The following ITSN1 variants were observed in gnomAD, a reference collection of about 807,000 sequenced individuals.
ITSN1 encodes the protein intersectin-1.
ITSN1 carries 58 observed loss-of-function variants against 239.8 expected under a neutral mutation model. The ratio of observed to expected loss-of-function variants is 0.24; its 90% CI spans 0.20 to 0.30. The LOEUF (loss-of-function observed/expected upper bound fraction) is 0.30, where lower values mean the gene tolerates loss of function less well. Among genes scored for constraint, ITSN1 ranks in the 10% least tolerant of loss-of-function variants. The pLI is 1.00. For missense variants in ITSN1, 1,558 were observed against 2,103.3 expected (o/e 0.74, Z 5.07); for synonymous variants, 780 against 770.8 (o/e 1.01, Z -0.20).
In ITSN1 at chr21:33,690,815, GTA is replaced by G. The variant is rs1188283621; in HGVS notation, c.-32-27960_-32-27959del. On this transcript the variant is annotated intron_variant, in intron 1 of 39. Transcript: ENST00000381318. The stretch of plus-strand genomic sequence containing the variant: ...CATATATATATATATATATATATAT[GTA>G]TATATATATATATATATATATGTAA... Among the ~76,000 whole-genome samples the G allele has an allele frequency of 5.5e-3, 61 of 11,074 alleles. 7 individuals carry two copies. The highest frequency in any genetic ancestry group is 0.015 in the African/African-American group (42 of 2,728). 7.3% of individuals were successfully genotyped at this position (11,074 alleles called of 152,430 possible). A position where few individuals can be genotyped will look rare whatever the true frequency, so the allele number is the denominator to read the frequency against.
At chr21:33,862,164 C>A (rs1475093042) in intron 31 of ITSN1, among the ~76,000 whole-genome samples, 77 of 79,780 alleles carry the variant, frequency 9.7e-4, no homozygotes, top group African/African-American at 1.2e-3. Context: ...GACTGTGTCA[C>A]AAAAAAAAAA....
chr21:33,746,221 A>C lies in ITSN1; in HGVS notation c.347-3922A>C, dbSNP rs536022629. On this transcript the variant is annotated intron_variant, in intron 5 of 39. Coordinates refer to ENST00000381318, the MANE Select transcript of ITSN1 (RefSeq NM_003024.3). ...GTTACTAAATAAAGATAGAAACAAC[A>C]ACCTTCAGGGGGAAAATCAGAGCCA... Among the ~76,000 whole-genome samples, 4 of 152,316 alleles carry C rather than the reference A, an allele frequency of 2.6e-5. No homozygotes were observed. In the East Asian group the frequency reaches 7.7e-4, roughly 29 times the overall value.
chr21:33,648,879 AAG>A (rs2088233120), intron 1 of ITSN1, among the ~76,000 whole-genome samples: 2 of 151,966 alleles, frequency 1.3e-5, no homozygotes, highest in South Asian at 4.2e-4. Context: ...AAAGGAGAGA[AAG>A]AGAAAGAGAA....
chr21:33,836,709 C>A, intron 29 of ITSN1, 77 bp downstream of exon 29: 1 of 1,234,512 alleles, frequency 8.1e-7, no homozygotes, highest in Non-Finnish European at 1.2e-6. Flanking sequence ...TCTGATTCTG[C>A]TGAGCTTTGT....
In ITSN1 at chr21:33,680,195, T is replaced by A. The variant is rs7279431; in HGVS notation, c.-33+37482T>A. On this transcript the variant is annotated intron_variant, in intron 1 of 39. Transcript: ENST00000381318. Reference sequence around the variant, plus strand: ...ATTTCAAGGGGAAGCAGTGGGGGTTTTATTCCTCTGGATGTTTGTTGTCTT... The same window carrying A: ...ATTTCAAGGGGAAGCAGTGGGGGTTATATTCCTCTGGATGTTTGTTGTCTT... Among the ~76,000 whole-genome samples the A allele has an allele frequency of 7.1e-3, 1,078 of 152,310 alleles. 8 individuals carry two copies. The highest frequency in any genetic ancestry group is 0.025 in the African/African-American group (1,018 of 41,544).
At chr21:33,694,369 A>G (rs1486795696) in intron 1 of ITSN1, among the ~76,000 whole-genome samples, 1 of 152,206 alleles carries the variant, frequency 6.6e-6, no homozygotes, top group African/African-American at 2.4e-5. Flanking sequence ...ATGCTATTGA[A>G]CAGTTAAGAT....
intron 1 of ITSN1, among the ~76,000 whole-genome samples, chr21:33,644,644 C>A (rs1254184242): frequency 6.6e-6 from 1 of 150,440 alleles, no homozygotes; most frequent in East Asian, 1.9e-4. Context: ...AAATGTTTGT[C>A]GCTGTTAGCA....
intron 1 of ITSN1, among the ~76,000 whole-genome samples, chr21:33,665,546 G>A (rs1488791765): frequency 6.6e-6 from 1 of 152,284 alleles, no homozygotes; most frequent in Non-Finnish European, 1.5e-5. Flanking sequence ...TGTGAATGTA[G>A]CATGGTGCCA....
chr21:33,734,941 G>A, intron 4 of ITSN1, 103 bp from the exon 5 acceptor site: 2 of 928,936 alleles, frequency 2.2e-6, no homozygotes, highest in Non-Finnish European at 3.2e-6. Flanking sequence ...GTCTCTAGGG[G>A]TAAGAGTGCT....
intron 5 of ITSN1, among the ~76,000 whole-genome samples, chr21:33,743,116 CAG>C (rs1196870765): frequency 3.3e-5 from 5 of 152,050 alleles, no homozygotes; most frequent in African/African-American, 9.7e-5. Context: ...AGAAGCAACA[CAG>C]GGGATACTAA....
intron 21 of ITSN1, among the ~76,000 whole-genome samples, chr21:33,812,036 A>G (rs374130524): frequency 1.1e-4 from 17 of 152,326 alleles, no homozygotes; most frequent in African/African-American, 4.1e-4. Context: ...ATAATTACTC[A>G]GGGCGGGAGG....
chr21:33,855,414 G>A (rs1308171736), intron 29 of ITSN1, among the ~76,000 whole-genome samples: 2 of 152,242 alleles, frequency 1.3e-5, no homozygotes, highest in African/African-American at 4.8e-5. Flanking sequence ...GAGGGGAACA[G>A]AAGGGATGGG....
intron 5 of ITSN1, among the ~76,000 whole-genome samples, chr21:33,748,466 A>G (rs1050296179): frequency 6.6e-6 from 1 of 152,082 alleles, no homozygotes; most frequent in Non-Finnish European, 1.5e-5. Context: ...AAGAAAAAAA[A>G]GAAAATTTTA....
chr21:33,685,212 A>G (rs1460543096), intron 1 of ITSN1, among the ~76,000 whole-genome samples: 5 of 152,214 alleles, frequency 3.3e-5, no homozygotes, highest in African/African-American at 7.2e-5. Context: ...TCTGCATTGA[A>G]GAGCTTATGT....
intron 20 of ITSN1, among the ~76,000 whole-genome samples, chr21:33,810,336 A>G (rs2072811545): frequency 6.6e-6 from 1 of 152,238 alleles, no homozygotes; most frequent in Admixed American, 6.5e-5. Flanking sequence ...TTAAATTTAT[A>G]CAAAAGAAAA....
chr21:33,709,900 C>T (rs886163286), intron 1 of ITSN1, among the ~76,000 whole-genome samples: 6 of 151,944 alleles, frequency 3.9e-5, no homozygotes, highest in East Asian at 3.9e-4. Context: ...GAGTAATCTC[C>T]ATATCAGTGT....
At chr21:33,645,830 G>C (rs1011240729) in intron 1 of ITSN1, among the ~76,000 whole-genome samples, 3 of 152,196 alleles carry the variant, frequency 2.0e-5, no homozygotes, top group African/African-American at 7.2e-5. Flanking sequence ...AGCATCTCCT[G>C]AGACTAGCTC....
At chr21:33,753,761 TAAAAAAAAAAAAAA>T (rs760085854) in intron 7 of ITSN1, among the ~76,000 whole-genome samples, 9 of 81,770 alleles carry the variant, frequency 1.1e-4, no homozygotes, top group African/African-American at 4.6e-4. Flanking sequence ...GTCTCTTTCT[TAAAAAAAAAAAAAA>T]AAAAAAAAAA....
intron 18 of ITSN1, among the ~76,000 whole-genome samples, chr21:33,799,453 A>G (rs900412066): frequency 1.3e-5 from 2 of 152,178 alleles, no homozygotes; most frequent in Non-Finnish European, 2.9e-5. Context: ...ATTGTACTCA[A>G]CACACTGGGT....
Sources: allele counts gnomAD v4.1 joint callset (sites outside exome capture counted in the v4.1 genomes callset), GRCh38; gene constraint gnomAD v4.1.1; transcripts MANE v1.5; gene names NCBI Gene and HGNC (gene_info 2026-07-23, HGNC 2026-07-21).